Variants in PLEKHG4B observed in about 807,000 individuals in gnomAD.
PLEKHG4B encodes the protein pleckstrin homology and RhoGEF domain containing G4B.
Under a neutral mutation model 121.3 loss-of-function variants are expected in PLEKHG4B, and 111 were observed. The observed-to-expected ratio is 0.92, with a 90% CI of 0.78 to 1.07. The LOEUF (loss-of-function observed/expected upper bound fraction) is 1.07, where lower values mean the gene tolerates loss of function less well. Among genes scored for constraint, PLEKHG4B ranks in the 50% least tolerant of loss-of-function variants. PLEKHG4B has a pLI of 0.00. For synonymous variants in PLEKHG4B, 738 were observed against 725.0 expected (o/e 1.02, Z -0.29); for missense variants, 1,831 against 1,757.8 (o/e 1.04, Z -0.74).
intron 2 of PLEKHG4B, among the ~76,000 whole-genome samples, chr5:127,412 G>T (rs139206112): frequency 6.7e-6 from 1 of 149,186 alleles, no homozygotes. Context: ...CCAGCCTGAG[G>T]TGTAACCGTA....
At chr5:164,899 G>GTAATGCTGTGACGGGGCGGAGCTCACAC (rs1736241075) in intron 13 of PLEKHG4B, among the ~76,000 whole-genome samples, 1 of 22,782 alleles carries the variant, frequency 4.4e-5, no homozygotes, top group Non-Finnish European at 1.1e-4. Flanking sequence ...AGCTCACACA[G>GTAATGCTGTGACGGGGCGGAGCTCACAC]TAATGCTGTG....
chr5:140,516 C>T lies in PLEKHG4B; in HGVS notation c.1277C>T (p.Pro426Leu). The T allele has an allele frequency of 6.3e-7, 1 of 1,596,796 alleles. No homozygotes were observed. Among genetic ancestry groups the T allele is most frequent in the Non-Finnish European group, 8.5e-7 (1 of 1,172,222 alleles). The change falls in exon 3 of 20, where the codon CCA (proline) becomes CTA (leucine). Residue 426 changes from proline to leucine, a missense_variant. Physicochemically the swap from Pro to Leu is moderately conservative, Grantham distance 98 (BLOSUM62 -3). Coordinates refer to ENST00000637938, the MANE Select transcript of PLEKHG4B (RefSeq NM_052909.5). ...KERHTPSRTG[P>L]GAAGRTLPRR... ...AGGCACACACCCAGCCGGACAGGTCCAGGAGCTGCAGGGCGGACTCTTCCC... is the reference window on the plus strand; with the variant it reads ...AGGCACACACCCAGCCGGACAGGTCTAGGAGCTGCAGGGCGGACTCTTCCC...
intron 1 of PLEKHG4B, among the ~76,000 whole-genome samples, chr5:95,901 G>C (rs1733615406): frequency 6.6e-6 from 1 of 152,156 alleles, no homozygotes; most frequent in African/African-American, 2.4e-5. Context: ...AGTGTCTGCT[G>C]GTGGTGATGA....
intron 13 of PLEKHG4B, 63 bp downstream of exon 13, chr5:163,611 A>AT: frequency 7.5e-7 from 1 of 1,334,064 alleles, no homozygotes; most frequent in South Asian, 1.5e-5. Flanking sequence ...ACCCAAAGCC[A>AT]TTTAGGCAGT....
intron 6 of PLEKHG4B, among the ~76,000 whole-genome samples, chr5:145,506 G>A (rs1021105775): frequency 6.6e-5 from 10 of 152,208 alleles, no homozygotes; most frequent in South Asian, 2.1e-4. Flanking sequence ...GACTACAGGC[G>A]CATGCCACCA....
chr5:172,820 T>G, intron 16 of PLEKHG4B, 77 bp from the exon 17 acceptor site: 10 of 1,516,172 alleles, frequency 6.6e-6, no homozygotes, highest in Non-Finnish European at 8.2e-6. Context: ...CTAACACATT[T>G]AGACGGAGAC....
chr5:161,983 C>A lies in PLEKHG4B; in HGVS notation c.2649+39C>A, dbSNP rs1184751066. The A allele has an allele frequency of 1.9e-6, 3 of 1,561,740 alleles. No individual in the cohort carries two copies. In the Middle Eastern group the frequency reaches 6.7e-4, roughly 347 times the overall value. ...TGGGCGTGCGTCCCAGGGATCCCGG[C>A]TCCTTAGGCTGTGGACATCTAGCAA... On this transcript the variant is annotated intron_variant, in intron 12 of 19. Transcript: ENST00000637938.
intron 2 of PLEKHG4B, among the ~76,000 whole-genome samples, chr5:131,618 G>A (rs1734781157): frequency 6.6e-6 from 1 of 152,014 alleles, no homozygotes; most frequent in African/African-American, 2.4e-5. Context: ...TAATCCTTTG[G>A]GTATATACCC....
chr5:155,032 G>A, intron 8 of PLEKHG4B, 41 bp downstream of exon 8: 1 of 1,504,008 alleles, frequency 6.6e-7, no homozygotes. Flanking sequence ...GACAGTCTCT[G>A]GGGACTTTCT....
In PLEKHG4B at chr5:153,141, A is replaced by G. The variant is rs148817838; in HGVS notation, c.1992+1542A>G. ...TAAGATTTCCAATGGATTTTAAAATATATTTTCTACATCTCTCCTGAGTTT... is the reference window on the plus strand; with the variant it reads ...TAAGATTTCCAATGGATTTTAAAATGTATTTTCTACATCTCTCCTGAGTTT... On this transcript the variant is annotated intron_variant, in intron 7 of 19. Coordinates refer to ENST00000637938, the MANE Select transcript of PLEKHG4B (RefSeq NM_052909.5). Among the ~76,000 whole-genome samples the G allele has an allele frequency of 3.1e-3, 472 of 152,350 alleles. 2 individuals are homozygous for G. Among genetic ancestry groups the G allele is most frequent in the Middle Eastern group, 0.01 (3 of 294 alleles).
Position 140,647 on chromosome 5 carries a change from C to T in PLEKHG4B, c.1408C>T (p.Leu470=), listed in dbSNP as rs764066597. 34 of 1,608,416 alleles carry T rather than the reference C, an allele frequency of 2.1e-5. No homozygotes were observed. Among genetic ancestry groups the T allele is most frequent in the Non-Finnish European group, 2.9e-5 (34 of 1,177,526 alleles). ...AGCAGGCTCCAGGCCTGGGGGCCAC[C>T]TAGGAGGACAAGCTGTGGGGACCCC... ...HSAGSRPGGH[L]GGQAVGTPNC... Residue 470 remains leucine (L), a synonymous_variant, in exon 3 of 20, where the codon CTA becomes TTA. Coordinates refer to ENST00000637938, the MANE Select transcript of PLEKHG4B (RefSeq NM_052909.5).
chr5:158,574 G>A (rs185557627), intron 11 of PLEKHG4B, among the ~76,000 whole-genome samples: 9 of 141,546 alleles, frequency 6.4e-5, no homozygotes, highest in African/African-American at 2.2e-4. Context: ...TGCCCGTCCT[G>A]GGAGTCTCCT....
chr5:98,424 G>GA (rs1560891752), intron 1 of PLEKHG4B, among the ~76,000 whole-genome samples: 2 of 80,870 alleles, frequency 2.5e-5, no homozygotes, highest in African/African-American at 4.6e-5. Flanking sequence ...GTTTACTGTA[G>GA]CTTTTTTTTT....
At chr5:170,017 C>T (rs1053531526) in intron 14 of PLEKHG4B, among the ~76,000 whole-genome samples, 3 of 152,200 alleles carry the variant, frequency 2.0e-5, no homozygotes, top group Non-Finnish European at 2.9e-5. Context: ...CAGCCTGTCC[C>T]GTTCTGAGAA....
chr5:133,523 T>C (rs1391976507), intron 2 of PLEKHG4B, among the ~76,000 whole-genome samples: 1 of 151,948 alleles, frequency 6.6e-6, no homozygotes, highest in Non-Finnish European at 1.5e-5. Context: ...CCAACAAATA[T>C]ATGAAAAATG....
intron 1 of PLEKHG4B, among the ~76,000 whole-genome samples, chr5:96,266 A>G (rs980925376): frequency 6.6e-6 from 1 of 152,238 alleles, no homozygotes; most frequent in Non-Finnish European, 1.5e-5. Flanking sequence ...TGTGTGGAGC[A>G]CAGGAACTGC....
rs902066694 is a variant in PLEKHG4B at position 163,096 on chromosome 5, A to C, written c.3024A>C (p.Pro1008=). The C allele has an allele frequency of 6.4e-7, 1 of 1,563,860 alleles. No individual in the cohort carries two copies. The highest frequency in any genetic ancestry group is 8.7e-7 in the Non-Finnish European group (1 of 1,154,178). ...GTGGTGCCTGGGAACCTGCGCAACC[A>C]CTGTCCGGCCTCCCTGGACGAGCGC... ...SGGGAWEPAQ[P]LSGLPGRALL... The change falls in exon 13 of 20, where the codon CCA becomes CCC. Residue 1008 remains proline, a synonymous_variant. Transcript: ENST00000637938.
chr5:111,077 C>T (rs1001321364), intron 1 of PLEKHG4B, among the ~76,000 whole-genome samples: 2 of 152,266 alleles, frequency 1.3e-5, no homozygotes, highest in African/African-American at 4.8e-5. Context: ...GCAGCTCCCT[C>T]ATCATGAGCA....
chr5:166,735 G>T (rs549218781), intron 13 of PLEKHG4B, among the ~76,000 whole-genome samples: 1 of 152,296 alleles, frequency 6.6e-6, no homozygotes, highest in East Asian at 1.9e-4. Flanking sequence ...CATAGAAGGG[G>T]TTTCCTCCTC....
Sources: gnomAD v4.1 joint callset for allele counts (sites outside exome capture counted in the v4.1 genomes callset) on GRCh38, gnomAD v4.1.1 for gene constraint, MANE v1.5 for transcripts, NCBI Gene and HGNC (gene_info 2026-07-23, HGNC 2026-07-21) for gene names.